The following CNTN5 variants were observed in gnomAD, a reference collection of about 807,000 sequenced individuals.
The protein encoded by CNTN5 is contactin 5.
Under a neutral mutation model 129.1 loss-of-function variants are expected in CNTN5, and 77 were observed. That is an observed-to-expected ratio of 0.60 (90% confidence interval 0.50 to 0.72). The LOEUF (loss-of-function observed/expected upper bound fraction) is 0.72, where lower values mean the gene tolerates loss of function less well. Among genes scored for constraint, CNTN5 ranks in the 30% least tolerant of loss-of-function variants. The pLI is 0.00. For missense variants in CNTN5, 1,478 were observed against 1,328.8 expected, an observed-to-expected ratio of 1.11 and a Z score of -1.75; for synonymous variants, 509 against 465.6, an observed-to-expected ratio of 1.09 and a Z score of -1.20.
At chr11:99,841,812 G>A (rs921187789) in intron 4 of CNTN5, among the ~76,000 whole-genome samples, 11 of 134,606 alleles carry the variant, frequency 8.2e-5, no homozygotes, top group South Asian at 4.7e-4. Context: ...TGGTGTGTGT[G>A]TATATATGTG....
At chr11:100,195,873 C>T (rs1293886877) in intron 15 of CNTN5, among the ~76,000 whole-genome samples, 2 of 151,892 alleles carry the variant, frequency 1.3e-5, no homozygotes, top group Non-Finnish European at 2.9e-5. Context: ...CCCTTCTGCC[C>T]TTCTCATGTA....
intron 3 of CNTN5, among the ~76,000 whole-genome samples, chr11:99,811,830 G>A (rs1161272333): frequency 6.6e-6 from 1 of 151,908 alleles, no homozygotes; most frequent in Non-Finnish European, 1.5e-5. Flanking sequence ...TGCTCCCTAA[G>A]GTCTAACCTA....
chr11:99,626,781 T>C (rs1259751420), intron 3 of CNTN5, among the ~76,000 whole-genome samples: 1 of 152,216 alleles, frequency 6.6e-6, no homozygotes, highest in Non-Finnish European at 1.5e-5. Flanking sequence ...ACTTGAAATA[T>C]TCACAACACA....
intron 9 of CNTN5, among the ~76,000 whole-genome samples, chr11:100,044,003 G>T (rs549712639): frequency 1.7e-4 from 26 of 151,902 alleles, no homozygotes; most frequent in African/African-American, 6.3e-4. Context: ...TGTACATTGT[G>T]CCCGTTAAGT....
chr11:100,211,686 T>C (rs1476058233), intron 15 of CNTN5, among the ~76,000 whole-genome samples: 1 of 152,224 alleles, frequency 6.6e-6, no homozygotes, highest in Non-Finnish European at 1.5e-5. Context: ...TAGTTGATGG[T>C]AAACACTTAG....
At chr11:100,116,705 CTAT>C (rs928747720) in intron 13 of CNTN5, among the ~76,000 whole-genome samples, 2 of 151,744 alleles carry the variant, frequency 1.3e-5, no homozygotes, top group Admixed American at 6.6e-5. Flanking sequence ...TCCTCTTAAT[CTAT>C]TATTCTTGAC....
chr11:99,208,665 G>A, intron 1 of CNTN5, among the ~76,000 whole-genome samples: 1 of 152,044 alleles, frequency 6.6e-6, no homozygotes, highest in East Asian at 1.9e-4. Context: ...TTTATTCTAG[G>A]AAACTCTCAG....
chr11:99,608,194 T>C (rs907336399), intron 3 of CNTN5, among the ~76,000 whole-genome samples: 2 of 152,080 alleles, frequency 1.3e-5, no homozygotes, highest in African/African-American at 2.4e-5. Flanking sequence ...AAAGTCATAA[T>C]TTTCAATAAA....
At chr11:99,982,303 G>C (rs1042192213) in intron 8 of CNTN5, among the ~76,000 whole-genome samples, 1 of 152,100 alleles carries the variant, frequency 6.6e-6, no homozygotes, top group African/African-American at 2.4e-5. Context: ...TTCATCATAA[G>C]GCAACAGGGA....
intron 2 of CNTN5, among the ~76,000 whole-genome samples, chr11:99,535,619 C>T (rs10790778): frequency 0.25 from 37,800 of 151,960 alleles, 5,185 homozygotes; most frequent in Non-Finnish European, 0.31. Flanking sequence ...TAATGTACAG[C>T]GAGGCTGAAA....
At chr11:100,096,228 G>C (rs1025895081) in intron 13 of CNTN5, among the ~76,000 whole-genome samples, 2 of 152,024 alleles carry the variant, frequency 1.3e-5, no homozygotes, top group African/African-American at 2.4e-5. Flanking sequence ...TTTGCTTGAC[G>C]TGTAGTCCCA....
chr11:99,208,634 TAGTAAGTC>T (rs1183866831), intron 1 of CNTN5, among the ~76,000 whole-genome samples: 1 of 152,264 alleles, frequency 6.6e-6, no homozygotes, highest in East Asian at 1.9e-4. Context: ...TAGGAAGAGA[TAGTAAGTC>T]AGAATTATTT....
chr11:99,239,779 C>A (rs923917948), intron 1 of CNTN5, among the ~76,000 whole-genome samples: 31 of 151,860 alleles, frequency 2.0e-4, no homozygotes, highest in Non-Finnish European at 2.9e-4. Context: ...ACTAAAAATA[C>A]AAAAAAATTT....
chr11:99,921,177 G>A (rs1949929857), intron 7 of CNTN5, among the ~76,000 whole-genome samples: 1 of 152,152 alleles, frequency 6.6e-6, no homozygotes, highest in Non-Finnish European at 1.5e-5. Context: ...GGCAACTTGA[G>A]CACACTCATG....
In CNTN5 at chr11:99,667,303, A is replaced by C. The variant is rs554120038; in HGVS notation, c.55+111034A>C. On this transcript the variant is annotated intron_variant, in intron 3 of 24. Transcript: ENST00000524871. The stretch of plus-strand genomic sequence containing the variant: ...TGTTTTCATTCTAAAGCAATTAATA[A>C]ATTTTGTAAATAGCTTTTCAGCTGT... Among the ~76,000 whole-genome samples, 9 of 81,182 alleles carry C rather than the reference A, an allele frequency of 1.1e-4. No homozygotes were observed. In the South Asian group the frequency reaches 1.3e-3, roughly 12 times the overall value. 53.3% of individuals were successfully genotyped at this position (81,182 alleles called of 152,430 possible).
At chr11:99,909,805 C>G (rs1042130502) in intron 6 of CNTN5, among the ~76,000 whole-genome samples, 6 of 150,282 alleles carry the variant, frequency 4.0e-5, no homozygotes, top group African/African-American at 1.5e-4. Context: ...ACACCGGGGC[C>G]TGTTGTGGGG....
chr11:99,609,844 A>G (rs1055352582), intron 3 of CNTN5, among the ~76,000 whole-genome samples: 4 of 152,056 alleles, frequency 2.6e-5, no homozygotes, highest in African/African-American at 9.7e-5. Context: ...TCTTTTTGCA[A>G]GGTCCTTAGT....
chr11:99,152,740 C>CATT, intron 1 of CNTN5, among the ~76,000 whole-genome samples: 1 of 152,298 alleles, frequency 6.6e-6, no homozygotes, highest in South Asian at 2.1e-4. Flanking sequence ...TTTATAATGT[C>CATT]AATGGTCCAT....
At chr11:99,932,468 C>T (rs956323818) in intron 7 of CNTN5, among the ~76,000 whole-genome samples, 8 of 152,256 alleles carry the variant, frequency 5.3e-5, no homozygotes, top group Admixed American at 6.5e-5. Flanking sequence ...GCTGGGATTA[C>T]AGGCATGAGC....
Sources: allele counts gnomAD v4.1 joint callset (sites outside exome capture counted in the v4.1 genomes callset), GRCh38; gene constraint gnomAD v4.1.1; transcripts MANE v1.5; gene names NCBI Gene and HGNC (gene_info 2026-07-23, HGNC 2026-07-21).